The following CSF3R variants were observed in gnomAD, a reference collection of about 807,000 sequenced individuals.
The protein encoded by CSF3R is colony stimulating factor 3 receptor, also known as granulocyte colony-stimulating factor receptor.
A neutral mutation model predicts 84.4 loss-of-function variants in CSF3R; 52 were observed. The observed-to-expected ratio is 0.62, with a 90% CI of 0.49 to 0.78. The LOEUF is 0.78. CSF3R is among the 30% of genes least tolerant of loss of function. The pLI is 0.00. For missense variants in CSF3R, 890 were observed against 1,055.7 expected (o/e 0.84, Z 2.17); for synonymous variants, 384 against 429.1 (o/e 0.89, Z 1.30).
Position 36,472,061 on chromosome 1 carries a change from G to A in CSF3R, c.1071+5C>T. On this transcript the variant is annotated splice_donor_5th_base_variant and intron_variant, in intron 9 of 16. Transcript: ENST00000373106. This position sits in a 1 kb window ranked among gnomAD's most constrained non-coding sequence, Gnocchi z 5.0. Reference sequence around the variant, plus strand: ...GGTGGAGGGATGGCCTTCAGAGGGAGTCACCTTCCAGAACAGCTGCACTGT... The same window carrying A: ...GGTGGAGGGATGGCCTTCAGAGGGAATCACCTTCCAGAACAGCTGCACTGT... 1.2e-6 allele frequency: 2 copies of A among 1,613,186 alleles called. No homozygotes were observed. The highest frequency in any genetic ancestry group is 3.3e-4 in the Middle Eastern group (2 of 6,058).
chr1:36,475,285 G>A (rs1210058500), intron 4 of CSF3R, 92 bp downstream of exon 4: 1 of 1,503,458 alleles, frequency 6.7e-7, no homozygotes, highest in Non-Finnish European at 9.2e-7. Flanking sequence ...GGGAATACAG[G>A]CGTGAGCCAA....
intron 2 of CSF3R, among the ~76,000 whole-genome samples, chr1:36,480,675 C>T (rs764387874): frequency 2.0e-5 from 3 of 152,210 alleles, no homozygotes; most frequent in Non-Finnish European, 2.9e-5. Context: ...GCAGATCCCT[C>T]GTGCTCAGCA....
chr1:36,466,627 G>A lies in CSF3R; in HGVS notation c.2241C>T (p.Ser747=), dbSNP rs372773604. ...GCAGCTGCCCATAAAGGACCTGATC[G>A]CTGGTGCCAGACTGGGATTGGGGCT... ...STQPQSQSGT[S]DQVLYGQLLG... The change falls in exon 17 of 17, where the codon AGC becomes AGT. Residue 747 remains serine, a synonymous_variant. Coordinates refer to ENST00000373106, the MANE Select transcript of CSF3R (RefSeq NM_000760.4). The surrounding 1 kb of genome is among the most constrained non-coding windows in gnomAD (Gnocchi z 4.6). 10 of 1,613,942 alleles carry A rather than the reference G, an allele frequency of 6.2e-6. No homozygotes were observed. The highest frequency in any genetic ancestry group is 7.6e-6 in the Non-Finnish European group (9 of 1,179,958).
chr1:36,474,462 A>G (rs888206113), intron 4 of CSF3R, among the ~76,000 whole-genome samples: 4 of 125,786 alleles, frequency 3.2e-5, no homozygotes, highest in African/African-American at 1.3e-4. Context: ...CAGTGGCGTG[A>G]TCTCGGCTCA....
intron 9 of CSF3R, 91 bp from the exon 10 acceptor site, chr1:36,471,737 C>CG: frequency 7.6e-7 from 1 of 1,311,804 alleles, no homozygotes; most frequent in South Asian, 1.2e-5. Flanking sequence ...ATCATACAAA[C>CG]GGAGCCTCCC....
At position 36,472,771 on chromosome 1, in the gene CSF3R, G is replaced by T. The variant is rs3918016; in HGVS notation, c.674-85C>A. ...GCTCCCTCTTGTCTCCCTGTCTGTG[G>T]TTCACCATCTGTCCACGTTGCCAAT... On this transcript the variant is annotated intron_variant, in intron 6 of 16. Coordinates refer to ENST00000373106, the MANE Select transcript of CSF3R (RefSeq NM_000760.4). This position sits in a 1 kb window ranked among gnomAD's most constrained non-coding sequence, Gnocchi z 5.0. 6.8e-3 allele frequency: 9,646 copies of T among 1,419,820 alleles called. 47 individuals carry two copies. The highest frequency in any genetic ancestry group is 7.9e-3 in the Non-Finnish European group (8,443 of 1,071,032). The allele number at this position is 1,419,820 out of a possible 1,614,324, so 88.0% of individuals were successfully genotyped here.
chr1:36,471,510 G>T lies in CSF3R; in HGVS notation c.1208C>A (p.Ala403Asp). The change falls in exon 10 of 17, where the codon GCC becomes GAC. Residue 403 changes from alanine (A) to aspartate (D), a missense_variant. By Grantham distance (126) the Ala-to-Asp change is moderately radical (BLOSUM62 -2). Transcript: ENST00000373106. ...ATAGGCCACAAGGGCCACCTCCTGG[G>T]CTTCTGAAGGCAGGTGGAAGGTGCA... ...LSCTFHLPSEAQEVALVAYNS... is the reference protein window; with the variant it reads ...LSCTFHLPSEDQEVALVAYNS... 1 of 1,614,246 alleles carries T rather than the reference G, an allele frequency of 6.2e-7. No individual in the cohort carries two copies.
intron 13 of CSF3R, 34 bp downstream of exon 13, chr1:36,468,041 T>G (rs1650453511): frequency 1.2e-6 from 2 of 1,614,192 alleles, no homozygotes; most frequent in Non-Finnish European, 8.5e-7. Flanking sequence ...TTCCAGGCCT[T>G]CTGGGGCTGT....
rs141327379 is a variant in CSF3R, at chr1:36,470,717, T to G, written c.1285+716A>C. On this transcript the variant is annotated intron_variant, in intron 10 of 16. Coordinates refer to ENST00000373106, the MANE Select transcript of CSF3R (RefSeq NM_000760.4). The stretch of plus-strand genomic sequence containing the variant: ...AAGCAGTGGGTGGTGGCAGCTGATT[T>G]CCTGAGAATGAGCAATGAACTCATA... Among the ~76,000 whole-genome samples, 258 of 152,312 alleles carry G rather than the reference T, an allele frequency of 1.7e-3. 1 individual carries two copies. Among genetic ancestry groups the G allele is most frequent in the African/African-American group, 5.8e-3 (243 of 41,562 alleles).
At chr1:36,477,861 C>T (rs1260462464) in intron 3 of CSF3R, among the ~76,000 whole-genome samples, 1 of 151,914 alleles carries the variant, frequency 6.6e-6, no homozygotes, top group African/African-American at 2.4e-5. Flanking sequence ...TGGGCTCACG[C>T]CATTGTCCTG....
intron 12 of CSF3R, chr1:36,468,949 A>G: frequency 1.7e-6 from 1 of 581,572 alleles, no homozygotes; most frequent in Non-Finnish European, 3.1e-6. Flanking sequence ...GAATTGTGCC[A>G]ACTCCCTACT....
chr1:36,471,287 T>C (rs1650704005), intron 10 of CSF3R, 146 bp downstream of exon 10: 1 of 819,734 alleles, frequency 1.2e-6, no homozygotes, highest in East Asian at 2.5e-5. Flanking sequence ...CCTCGGATGA[T>C]CTGCCCACCT....
Position 36,475,679 on chromosome 1 carries a change from G to T in CSF3R, c.65-6C>A. The T allele has an allele frequency of 6.2e-7, 1 of 1,604,888 alleles. No individual in the cohort carries two copies. Among genetic ancestry groups the T allele is most frequent in the Admixed American group, 1.7e-5 (1 of 59,770 alleles). Reference sequence around the variant, plus strand: ...GTGCCCGCACTCCTCCAGACCTGGGGTGGAAGAGAATGGGCCAGGAACGAC... The same window carrying T: ...GTGCCCGCACTCCTCCAGACCTGGGTTGGAAGAGAATGGGCCAGGAACGAC... On this transcript the variant is annotated splice_polypyrimidine_tract_variant and splice_region_variant and intron_variant, in intron 3 of 16. Transcript: ENST00000373106.
In CSF3R at chr1:36,469,543, C is replaced by T; in HGVS notation, c.1474+109G>A. On this transcript the variant is annotated intron_variant, in intron 11 of 16. Coordinates refer to ENST00000373106, the MANE Select transcript of CSF3R (RefSeq NM_000760.4). ...GAGAACAACGAAGGATCAAGAAAGG[C>T]TGGAGAATCCATGTCTCTTGGGCAG... 8 of 1,304,080 alleles carry T rather than the reference C, an allele frequency of 6.1e-6. No homozygotes were observed. In the East Asian group the frequency reaches 1.6e-4, roughly 26 times the overall value. 80.8% of individuals were successfully genotyped at this position (1,304,080 alleles called of 1,614,324 possible). A position where few individuals can be genotyped will look rare whatever the true frequency, so the allele number is the denominator to read the frequency against.
intron 3 of CSF3R, among the ~76,000 whole-genome samples, chr1:36,478,240 GC>G (rs1402878173): frequency 1.3e-5 from 2 of 151,826 alleles, no homozygotes; most frequent in African/African-American, 4.8e-5. Context: ...ATAAAAACAT[GC>G]CACAGGGCTG....
At chr1:36,469,506 A>T in intron 11 of CSF3R, 146 bp downstream of exon 11, 1 of 1,019,118 alleles carries the variant, frequency 9.8e-7, no homozygotes, top group South Asian at 1.3e-5. Flanking sequence ...CCTGATTATG[A>T]GGATATGAAA....
intron 10 of CSF3R, 63 bp from the exon 11 acceptor site, chr1:36,469,903 G>T: frequency 6.4e-7 from 1 of 1,562,746 alleles, no homozygotes; most frequent in Non-Finnish European, 8.7e-7. Flanking sequence ...TGAGCCAGAA[G>T]CCTGGGTTCA....
Position 36,472,821 on chromosome 1 carries a change from T to G in CSF3R, c.674-135A>C. 6.7e-5 allele frequency: 72 copies of G among 1,068,086 alleles called. No homozygotes were observed. The highest frequency in any genetic ancestry group is 3.2e-4 in the Middle Eastern group (1 of 3,126). The allele number at this position is 1,068,086 out of a possible 1,614,324, so 66.2% of individuals were successfully genotyped here. A position where few individuals can be genotyped will look rare whatever the true frequency, so the allele number is the denominator to read the frequency against. On this transcript the variant is annotated intron_variant, in intron 6 of 16. Transcript: ENST00000373106. The surrounding 1 kb of genome is among the most constrained non-coding windows in gnomAD (Gnocchi z 5.0). ...TGACACGTTTCTGTGGTTCGATCTC[T>G]ATGTGTCTTTGTTTCTCTCTAGGTC... is the stretch of plus-strand genomic sequence containing the variant.
chr1:36,471,380 T>A, intron 10 of CSF3R, 53 bp downstream of exon 10: 4 of 1,554,222 alleles, frequency 2.6e-6, no homozygotes, highest in Non-Finnish European at 3.5e-6. Flanking sequence ...CAGTCTAGCC[T>A]TTGAATTGAT....
Sources: gnomAD v4.1 joint callset for allele counts (sites outside exome capture counted in the v4.1 genomes callset) on GRCh38, gnomAD v4.1.1 for gene constraint, Gnocchi (gnomAD v3.1) non-coding constraint, MANE v1.5 for transcripts, NCBI Gene and HGNC (gene_info 2026-07-23, HGNC 2026-07-21) for gene names.